TREM1: variants seen among roughly 807,000 people sequenced by gnomAD.
TREM1 encodes the protein triggering receptor expressed on monocytes 1.
Under a neutral mutation model 22.4 loss-of-function variants are expected in TREM1, and 16 were observed. That is an observed-to-expected ratio of 0.71 (90% CI 0.48 to 1.08). TREM1 has a LOEUF of 1.08. Ranked by LOEUF, TREM1 falls within the 50% of genes least tolerant of loss-of-function variation. The pLI, the probability that TREM1 is intolerant of heterozygous loss-of-function variation, is 0.00. For missense variants in TREM1, 283 were observed against 282.9 expected (o/e 1.00, Z 0.00); for synonymous variants, 110 against 111.6 (o/e 0.99, Z 0.09).
chr6:41,271,549 C>T (rs996175270), downstream of TREM1, among the ~76,000 whole-genome samples: 4 of 152,168 alleles, frequency 2.6e-5, no homozygotes, highest in Non-Finnish European at 5.9e-5. Flanking sequence ...GCTCTACTAA[C>T]GCCTCCTCTG....
downstream of TREM1, among the ~76,000 whole-genome samples, chr6:41,273,514 C>T (rs773351161): frequency 1.3e-5 from 2 of 152,230 alleles, no homozygotes; most frequent in Non-Finnish European, 2.9e-5. Context: ...GATTCAAACC[C>T]ATACATGGTT....
At chr6:41,283,524 A>T (rs1251117526) in intron 1 of TREM1, among the ~76,000 whole-genome samples, 1 of 152,178 alleles carries the variant, frequency 6.6e-6, no homozygotes, top group African/African-American at 2.4e-5. Context: ...AGCCTGGCCA[A>T]CATGGTGAAA....
At chr6:41,276,295 C>T in intron 3 of TREM1, 65 bp from the exon 4 acceptor site, 1 of 1,217,016 alleles carries the variant, frequency 8.2e-7, no homozygotes, top group Non-Finnish European at 1.2e-6. Context: ...CATGTTCCCT[C>T]TAGAAAATGC....
chr6:41,276,818 G>C (rs554607968), intron 3 of TREM1, among the ~76,000 whole-genome samples: 19 of 152,174 alleles, frequency 1.2e-4, no homozygotes, highest in African/African-American at 4.3e-4. Flanking sequence ...CAGACAGATG[G>C]CAATGGAACA....
intron 3 of TREM1, chr6:41,280,035 T>C (rs141297942): frequency 2.5e-5 from 24 of 977,012 alleles, no homozygotes; most frequent in Non-Finnish European, 2.9e-5. Flanking sequence ...ATTGAAATTA[T>C]ATTTATGAAA....
intron 1 of TREM1, among the ~76,000 whole-genome samples, chr6:41,285,504 T>C (rs752949619): frequency 1.3e-5 from 2 of 152,190 alleles, no homozygotes; most frequent in Non-Finnish European, 2.9e-5. Context: ...CCTAAAGCAC[T>C]GAGCTACATG....
chr6:41,281,271 G>C (rs1581632598), intron 2 of TREM1, 118 bp from the exon 3 acceptor site: 1 of 1,183,144 alleles, frequency 8.5e-7, no homozygotes, highest in East Asian at 2.5e-5. Flanking sequence ...TGGACGGGTA[G>C]GTGGTACGGT....
chr6:41,277,108 T>C (rs1178164375), intron 3 of TREM1, among the ~76,000 whole-genome samples: 1 of 148,454 alleles, frequency 6.7e-6, no homozygotes, highest in African/African-American at 2.5e-5. Context: ...CACCAGGAAA[T>C]AGAATCAAAC....
Position 41,275,037 on chromosome 6 carries a change from A to T in TREM1, c.*1088T>A, listed in dbSNP as rs1767610737. Among the ~76,000 whole-genome samples the T allele has an allele frequency of 1.3e-5, 2 of 151,914 alleles. No homozygotes were observed. The highest frequency in any genetic ancestry group is 3.4e-3 in the Middle Eastern group (1 of 294). On this transcript the variant is annotated 3_prime_UTR_variant, in exon 4 of 4. Transcript: ENST00000244709. ...TGATTGAAATCTGTGGGAGATTGCA[A>T]GACAATCTCCCACAGAGATTGTCTC...
At chr6:41,272,946 T>C (rs957155681), downstream of TREM1, among the ~76,000 whole-genome samples, 12 of 152,154 alleles carry the variant, frequency 7.9e-5, no homozygotes, top group African/African-American at 2.9e-4. Context: ...CAGGCCCCAA[T>C]GTGTGAGTTT....
At chr6:41,270,441 T>G (rs971660176), downstream of TREM1, among the ~76,000 whole-genome samples, 4 of 43,508 alleles carry the variant, frequency 9.2e-5, no homozygotes, top group African/African-American at 4.7e-4. Flanking sequence ...TATATGATAT[T>G]ATATAATATA....
At chr6:41,267,967 G>A (rs575724292) in exon 4 of TREM1, 1 of 398,576 alleles carries the variant, frequency 2.5e-6, no homozygotes, top group African/African-American at 2.1e-5. Context: ...TAACATGAAT[G>A]CAAGGATTGA....
intron 3 of TREM1, 51 bp from the exon 4 acceptor site, chr6:41,276,281 C>A (rs572098675): frequency 1.5e-6 from 2 of 1,371,542 alleles, no homozygotes; most frequent in Admixed American, 3.4e-5. Context: ...CTCTCCCACA[C>A]GCACATGTTC....
chr6:41,273,547 A>T (rs1026548115), downstream of TREM1, among the ~76,000 whole-genome samples: 2 of 152,248 alleles, frequency 1.3e-5, no homozygotes, highest in Non-Finnish European at 2.9e-5. Context: ...CTGTGTCGTT[A>T]GCCACACAAC....
downstream of TREM1, among the ~76,000 whole-genome samples, chr6:41,269,719 T>C (rs1344141935): frequency 1.3e-5 from 2 of 152,196 alleles, no homozygotes; most frequent in African/African-American, 4.8e-5. Flanking sequence ...AGCAAGAGAA[T>C]GGAAGACCCA....
intron 1 of TREM1, among the ~76,000 whole-genome samples, chr6:41,283,243 G>A (rs141364115): frequency 2.0e-4 from 31 of 152,324 alleles, no homozygotes; most frequent in African/African-American, 7.5e-4. Flanking sequence ...AAACAGTGAG[G>A]AAGCCGTCTG....
intron 3 of TREM1, chr6:41,280,241 C>T: frequency 1.0e-6 from 1 of 975,852 alleles, no homozygotes. Context: ...ATGATAAACA[C>T]ATTCTAATAT....
intron 3 of TREM1, among the ~76,000 whole-genome samples, chr6:41,278,428 G>A (rs6910301): frequency 0.11 from 17,218 of 151,730 alleles, 1,059 homozygotes; most frequent in East Asian, 0.28. Flanking sequence ...CCAGCACTTT[G>A]GGAGGCCGAG....
rs573304301 is a variant in TREM1 at position 41,273,685 on chromosome 6, G to T, written c.*2440C>A. Among the ~76,000 whole-genome samples the T allele has an allele frequency of 2.0e-5, 3 of 152,366 alleles. No individual in the cohort carries two copies. Among genetic ancestry groups the T allele is most frequent in the African/African-American group, 7.2e-5 (3 of 41,586 alleles). On this transcript the variant is annotated 3_prime_UTR_variant, in exon 4 of 4. Coordinates refer to ENST00000244709, the MANE Select transcript of TREM1 (RefSeq NM_018643.5). ...GTAAGGGGTGCTTCAGTATGCTGAG[G>T]CTGGCAATAGTGGTGGGTCATTCCC...
Sources: gnomAD v4.1 joint callset for allele counts (sites outside exome capture counted in the v4.1 genomes callset) on GRCh38, gnomAD v4.1.1 for gene constraint, MANE v1.5 for transcripts, NCBI Gene and HGNC (gene_info 2026-07-23, HGNC 2026-07-21) for gene names.